NOTCH2NLB: variants seen among roughly 807,000 people sequenced by gnomAD.
NOTCH2NLB encodes notch 2 N-terminal like B.
NOTCH2NLB carries 1 observed loss-of-function variant against 14.8 expected under a neutral mutation model. The observed-to-expected ratio is 0.07, with a 90% CI of 0.02 to 0.32. NOTCH2NLB has a LOEUF of 0.32. NOTCH2NLB is among the 10% of genes least tolerant of loss of function. The pLI is 1.00. For synonymous variants in NOTCH2NLB, 6 were observed against 57.5 expected, an observed-to-expected ratio of 0.10 and a Z score of 4.05; for missense variants, 11 against 155.0, an observed-to-expected ratio of 0.07 and a Z score of 4.93.
chr1:148,605,128 G>A (rs1472751760), downstream of NOTCH2NLB, among the ~76,000 whole-genome samples: 514 of 130,148 alleles, frequency 3.9e-3, no homozygotes, highest in Non-Finnish European at 6.0e-3. Context: ...CTTTCAGGAA[G>A]CAGATGTGCA....
At chr1:148,703,146 C>T in the NOTCH2NLB span, among the ~76,000 whole-genome samples, 1 of 32,666 alleles carries the variant, frequency 3.1e-5, no homozygotes, top group Admixed American at 4.1e-4. Context: ...AAAAATTAGC[C>T]GGGCATGGTG....
At chr1:148,670,568 AT>A (rs1664755540) in intron 1 of NOTCH2NLB, among the ~76,000 whole-genome samples, 2 of 139,540 alleles carry the variant, frequency 1.4e-5, no homozygotes, top group Non-Finnish European at 3.2e-5. Context: ...ATATATATAT[AT>A]ATATATATAA....
At chr1:148,661,648 AG>A (rs1248401689) in intron 1 of NOTCH2NLB, among the ~76,000 whole-genome samples, 1 of 150,046 alleles carries the variant, frequency 6.7e-6, no homozygotes, top group Non-Finnish European at 1.5e-5. Context: ...ACAACATAAA[AG>A]TGCCAAATTC....
At chr1:148,637,749 C>A (rs1451688222) in intron 2 of NOTCH2NLB, among the ~76,000 whole-genome samples, 1 of 136,210 alleles carries the variant, frequency 7.3e-6, no homozygotes, top group Non-Finnish European at 1.6e-5. Context: ...CCTTTCCCCC[C>A]ACCCCCTGAC....
rs1175805654 is a variant in NOTCH2NLB at position 148,623,738 on chromosome 1, CTAGA to C, written c.78-7792_78-7789del. Among the ~76,000 whole-genome samples the C allele has an allele frequency of 5.2e-5, 2 of 38,322 alleles. 1 individual carries two copies. Among genetic ancestry groups the C allele is most frequent in the East Asian group, 4.0e-3 (2 of 504 alleles). The allele number at this position is 38,322 out of a possible 152,430, so 25.1% of individuals were successfully genotyped here. On this transcript the variant is annotated intron_variant, in intron 2 of 4. Transcript: ENST00000593495. ...TGCTGTACCTTTCTCAAACTCCCAT[CTAGA>C]TAGTTTTTGTGGGGAAGAGCCTGTC...
intron 2 of NOTCH2NLB, among the ~76,000 whole-genome samples, chr1:148,631,154 C>T (rs1452547179): frequency 7.2e-6 from 1 of 139,198 alleles, no homozygotes; most frequent in Non-Finnish European, 1.5e-5. Flanking sequence ...TACCATTCTA[C>T]ATAAATCCTA....
rs1285694470 is a variant in NOTCH2NLB, at chr1:148,638,384, T to C, written c.77+1632A>G. ...AAAGAAACACATCAACAAATGACCA[T>C]AATGCAATGGGGTTAACTACCACAA... On this transcript the variant is annotated intron_variant, in intron 2 of 4. Coordinates refer to ENST00000593495, the Ensembl canonical transcript of NOTCH2NLB. 5.4e-5 allele frequency among the ~76,000 whole-genome samples: 8 copies of C among 148,904 alleles called. 1 individual carries two copies. Among genetic ancestry groups the C allele is most frequent in the African/African-American group, 1.8e-4 (7 of 39,818 alleles).
At position 148,679,453 on chromosome 1, in the gene NOTCH2NLB, G is replaced by T. The variant is rs1404603256; in HGVS notation, c.3+9C>A. On this transcript the variant is annotated intron_variant, in intron 1 of 4. Coordinates refer to ENST00000593495, the Ensembl canonical transcript of NOTCH2NLB. ...CGCCGCGGACAGCGCCCCTCAGCCC[G>T]ATACTCACCATGCGCGGGGGTCGCG... 1.9e-5 allele frequency: 20 copies of T among 1,061,900 alleles called. 1 individual carries two copies. In the African/African-American group the frequency reaches 3.0e-4, roughly 16 times the overall value. The allele number at this position is 1,061,900 out of a possible 1,614,324, so 65.8% of individuals were successfully genotyped here.
At chr1:148,602,783 AAGACCTT>A (rs1361229663), downstream of NOTCH2NLB, among the ~76,000 whole-genome samples, 1 of 15,580 alleles carries the variant, frequency 6.4e-5, no homozygotes, top group African/African-American at 1.8e-4. Context: ...CAGATGTCAA[AAGACCTT>A]AGAAGGTCTA....
intron 2 of NOTCH2NLB, among the ~76,000 whole-genome samples, chr1:148,637,216 G>A (rs1348067132): frequency 3.6e-4 from 52 of 144,952 alleles, no homozygotes; most frequent in African/African-American, 1.1e-3. Context: ...TTACAGGTGC[G>A]TGCCACCACG....
At position 148,636,864 on chromosome 1, in the gene NOTCH2NLB, T is replaced by A. The variant is rs1318714983; in HGVS notation, c.77+3152A>T. ...ATATTACTTTTGCTGAGGTAGGGAA[T>A]CACTCTCTTTATACAAGTTTTGTTG... On this transcript the variant is annotated intron_variant, in intron 2 of 4. Coordinates refer to ENST00000593495, the Ensembl canonical transcript of NOTCH2NLB. Among the ~76,000 whole-genome samples the A allele has an allele frequency of 2.1e-5, 3 of 143,688 alleles. No individual in the cohort carries two copies. The Middle Eastern group carries it at 0.011, about 544-fold the overall frequency. The allele number at this position is 143,688 out of a possible 152,430, so 94.3% of individuals were successfully genotyped here.
At position 148,625,660 on chromosome 1, in the gene NOTCH2NLB, G is replaced by T. The variant is rs1348486134; in HGVS notation, c.78-9710C>A. On this transcript the variant is annotated intron_variant, in intron 2 of 4. Transcript: ENST00000593495. ...CTTTCTTCTTGCACTGGGCCTCTTG[G>T]CCCCCCAATCCGCAGTGGCAGCCTG... 5.0e-5 allele frequency among the ~76,000 whole-genome samples: 6 copies of T among 119,238 alleles called. 1 individual carries two copies. The South Asian group carries it at 1.8e-3, about 36-fold the overall frequency. The allele number at this position is 119,238 out of a possible 152,430, so 78.2% of individuals were successfully genotyped here.
chr1:148,637,142 C>T (rs1664220900), intron 2 of NOTCH2NLB, among the ~76,000 whole-genome samples: 1 of 141,104 alleles, frequency 7.1e-6, no homozygotes, highest in African/African-American at 2.7e-5. Flanking sequence ...AATCTTGGCT[C>T]ACTGCAAGCT....
the NOTCH2NLB span, among the ~76,000 whole-genome samples, chr1:148,690,027 TC>T: frequency 8.3e-5 from 1 of 12,022 alleles, no homozygotes; most frequent in East Asian, 7.1e-3. Flanking sequence ...TAAAGACATC[TC>T]CTAGTTCAAA....
chr1:148,622,339 C>T (rs1404191676), intron 2 of NOTCH2NLB, among the ~76,000 whole-genome samples: 1 of 111,086 alleles, frequency 9.0e-6, no homozygotes. Flanking sequence ...CACTGCACTC[C>T]AGCCTGGGCA....
chr1:148,661,310 G>A (rs1664677279), intron 1 of NOTCH2NLB, among the ~76,000 whole-genome samples: 2 of 149,316 alleles, frequency 1.3e-5, no homozygotes, highest in South Asian at 4.2e-4. Flanking sequence ...AAAAAGTTTT[G>A]AAAAAACAAT....
At chr1:148,684,925 C>G in the NOTCH2NLB span, among the ~76,000 whole-genome samples, 3 of 139,190 alleles carry the variant, frequency 2.2e-5, no homozygotes, top group African/African-American at 7.9e-5. Context: ...AAGACCCTGT[C>G]AAAAAAAAAA....
chr1:148,645,496 C>T (rs1262884936), intron 1 of NOTCH2NLB, among the ~76,000 whole-genome samples: 1 of 144,594 alleles, frequency 6.9e-6, no homozygotes, highest in African/African-American at 2.6e-5. Context: ...GTCTAGGCTC[C>T]CATGCTGGCC....
intron 2 of NOTCH2NLB, among the ~76,000 whole-genome samples, chr1:148,634,085 CTT>C (rs1398450208): frequency 2.7e-5 from 3 of 112,590 alleles, no homozygotes; most frequent in Non-Finnish European, 3.7e-5. Context: ...ATAAATAACT[CTT>C]GAATTAATAA....
Sources: allele counts gnomAD v4.1 joint callset (sites outside exome capture counted in the v4.1 genomes callset), GRCh38; gene constraint gnomAD v4.1.1; transcripts MANE v1.5; gene names NCBI Gene and HGNC (gene_info 2026-07-23, HGNC 2026-07-21).